The following FMNL2 variants were observed in gnomAD, a reference collection of about 807,000 sequenced individuals.
The protein encoded by FMNL2 is formin like 2.
In FMNL2, 51 loss-of-function variants were observed where a neutral mutation model predicts 130.2. That is an observed-to-expected ratio of 0.39 (90% CI 0.31 to 0.49). The LOEUF (loss-of-function observed/expected upper bound fraction) is 0.49. FMNL2 is among the 20% of genes least tolerant of loss of function. The pLI is 0.85. For synonymous variants in FMNL2, 465 were observed against 467.1 expected (o/e 1.00, Z 0.06); for missense variants, 977 against 1,316.2 (o/e 0.74, Z 3.99).
In FMNL2 at chr2:152,647,906, A is replaced by AC. The variant is rs774892480; in HGVS notation, c.*3dup. ...TAATGGTGCCGAAATAACAATGTGAACCTGAGACTGGCCTGCATGAATACA... is the reference window on the plus strand; with the variant it reads ...TAATGGTGCCGAAATAACAATGTGAACCCTGAGACTGGCCTGCATGAATACA... On this transcript the variant is annotated 3_prime_UTR_variant, in exon 26 of 26. Coordinates refer to ENST00000288670, the MANE Select transcript of FMNL2 (RefSeq NM_052905.4). The AC allele has an allele frequency of 1.9e-5, 30 of 1,610,704 alleles. No individual in the cohort carries two copies. Among genetic ancestry groups the AC allele is most frequent in the Non-Finnish European group, 2.5e-5 (29 of 1,178,192 alleles).
chr2:152,346,802 G>C (rs1049262675), intron 1 of FMNL2, among the ~76,000 whole-genome samples: 6 of 152,092 alleles, frequency 3.9e-5, no homozygotes, highest in African/African-American at 1.4e-4. Flanking sequence ...GCCAGGCACG[G>C]TGGCTCAGAC....
Position 152,581,019 on chromosome 2 carries a change from C to T in FMNL2, c.846C>T (p.Ile282=), listed in dbSNP as rs1020297855. ...GTCTTGTCAGAGGCGGGCATGAAAT[C>T]ATTTTATCAGCATTTGATAACTTTA... ...AVCLVRGGHE[I]ILSAFDNFKE... Residue 282 remains isoleucine, a synonymous_variant, in exon 9 of 26, where the codon ATC becomes ATT. Transcript: ENST00000288670. 8 of 1,613,748 alleles carry T rather than the reference C, an allele frequency of 5.0e-6. No individual in the cohort carries two copies. Among genetic ancestry groups the T allele is most frequent in the Non-Finnish European group, 6.8e-6 (8 of 1,179,846 alleles).
chr2:152,619,213 T>C, intron 14 of FMNL2, 55 bp downstream of exon 14: 1 of 1,495,168 alleles, frequency 6.7e-7, no homozygotes, highest in Non-Finnish European at 8.9e-7. Flanking sequence ...GTATTTCTTC[T>C]TTTGCCAACT....
intron 1 of FMNL2, among the ~76,000 whole-genome samples, chr2:152,513,504 G>C (rs1692595953): frequency 6.6e-6 from 1 of 152,138 alleles, no homozygotes; most frequent in African/African-American, 2.4e-5. Flanking sequence ...CTGTGAACTT[G>C]GACAAATGCT....
At chr2:152,620,696 C>T (rs2105900441) in intron 15 of FMNL2, among the ~76,000 whole-genome samples, 1 of 152,268 alleles carries the variant, frequency 6.6e-6, no homozygotes, top group South Asian at 2.1e-4. Context: ...TAAAGATTTC[C>T]CAATCTCCAT....
At chr2:152,401,035 A>G (rs1685666228) in intron 1 of FMNL2, among the ~76,000 whole-genome samples, 1 of 152,218 alleles carries the variant, frequency 6.6e-6, no homozygotes, top group Non-Finnish European at 1.5e-5. Context: ...ATGTAGGAAG[A>G]TGTTGGGAAT....
In FMNL2 at chr2:152,649,025, A is replaced by G. The variant is rs1334473113; in HGVS notation, c.*1120A>G. 6.6e-6 allele frequency: 1 copy of G among 152,640 alleles called. No individual in the cohort carries two copies. Among genetic ancestry groups the G allele is most frequent in the East Asian group, 1.9e-4 (1 of 5,194 alleles). The allele number at this position is 152,640 out of a possible 1,614,324, so 9.5% of individuals were successfully genotyped here. ...GGGCACTTGATCCATTCCAAAGTCAAAAACTGGACTGAAGCTAAATTTGTA... is the reference window on the plus strand; with the variant it reads ...GGGCACTTGATCCATTCCAAAGTCAGAAACTGGACTGAAGCTAAATTTGTA... On this transcript the variant is annotated 3_prime_UTR_variant, in exon 26 of 26. Transcript: ENST00000288670.
chr2:152,584,455 G>A (rs1336784360), intron 9 of FMNL2, among the ~76,000 whole-genome samples: 1 of 152,178 alleles, frequency 6.6e-6, no homozygotes, highest in Non-Finnish European at 1.5e-5. Flanking sequence ...TTTATTGGCA[G>A]GAATGAGGGG....
intron 1 of FMNL2, among the ~76,000 whole-genome samples, chr2:152,428,571 T>C (rs1045999895): frequency 1.3e-5 from 2 of 152,212 alleles, no homozygotes; most frequent in African/African-American, 4.8e-5. Flanking sequence ...ATCAAATATA[T>C]GGTAGATAGC....
chr2:152,340,344 C>A (rs1309361570), intron 1 of FMNL2, among the ~76,000 whole-genome samples: 5 of 152,160 alleles, frequency 3.3e-5, no homozygotes, highest in Non-Finnish European at 7.4e-5. Context: ...AAAGGGCCTG[C>A]GACTAGCAGT....
At chr2:152,504,467 G>T (rs969383941) in intron 1 of FMNL2, among the ~76,000 whole-genome samples, 1 of 151,688 alleles carries the variant, frequency 6.6e-6, no homozygotes, top group East Asian at 1.9e-4. Flanking sequence ...GGCTGGTCTC[G>T]AATTCCTGAC....
chr2:152,644,468 T>TAC (rs935759566), intron 25 of FMNL2, among the ~76,000 whole-genome samples: 11 of 152,194 alleles, frequency 7.2e-5, no homozygotes, highest in African/African-American at 2.2e-4. Context: ...GAACTCGTAA[T>TAC]ATGAGCTTAA....
chr2:152,600,098 A>C (rs951495440), intron 9 of FMNL2, among the ~76,000 whole-genome samples: 6 of 152,218 alleles, frequency 3.9e-5, no homozygotes. Context: ...GTTTTCACCT[A>C]GGACTAACTA....
intron 1 of FMNL2, among the ~76,000 whole-genome samples, chr2:152,496,812 T>C (rs1691541355): frequency 6.6e-6 from 1 of 152,218 alleles, no homozygotes; most frequent in South Asian, 2.1e-4. Flanking sequence ...TGTGAGGTCC[T>C]TAAATTTGGC....
intron 1 of FMNL2, among the ~76,000 whole-genome samples, chr2:152,343,572 AG>A (rs55730970): frequency 0.83 from 126,121 of 152,104 alleles, 53,412 homozygotes; most frequent in East Asian, 0.96. Context: ...CTGGGATTAC[AG>A]GCATAAGCCA....
chr2:152,576,967 T>C (rs1696512980), intron 7 of FMNL2, among the ~76,000 whole-genome samples: 1 of 152,218 alleles, frequency 6.6e-6, no homozygotes, highest in African/African-American at 2.4e-5. Flanking sequence ...GACTTCACTA[T>C]GAGTGGAAAG....
intron 1 of FMNL2, among the ~76,000 whole-genome samples, chr2:152,458,287 G>A (rs910778067): frequency 1.3e-5 from 2 of 152,144 alleles, no homozygotes; most frequent in East Asian, 1.9e-4. Context: ...CCCTGACTCA[G>A]AAATACTCCT....
intron 11 of FMNL2, among the ~76,000 whole-genome samples, chr2:152,611,858 C>G (rs888267970): frequency 6.6e-6 from 1 of 152,230 alleles, no homozygotes; most frequent in Admixed American, 6.5e-5. Flanking sequence ...CTCTTGCAGC[C>G]TTGCTGCAGC....
intron 1 of FMNL2, among the ~76,000 whole-genome samples, chr2:152,499,231 A>G (rs1351851371): frequency 6.6e-6 from 1 of 152,238 alleles, no homozygotes; most frequent in Non-Finnish European, 1.5e-5. Context: ...AGCTCATCCA[A>G]CTTCACAGCT....
Sources: gnomAD v4.1 joint callset for allele counts (sites outside exome capture counted in the v4.1 genomes callset) on GRCh38, gnomAD v4.1.1 for gene constraint, MANE v1.5 for transcripts, NCBI Gene and HGNC (gene_info 2026-07-23, HGNC 2026-07-21) for gene names.